LRP4: variants seen among roughly 807,000 people sequenced by gnomAD.
The protein encoded by LRP4 is low-density lipoprotein receptor-related protein 4.
A neutral mutation model predicts 220.3 loss-of-function variants in LRP4; 95 were observed. That is an observed-to-expected ratio of 0.43 (90% CI 0.37 to 0.51). The LOEUF (loss-of-function observed/expected upper bound fraction) is 0.51. Ranked by LOEUF, LRP4 falls within the 20% of genes least tolerant of loss-of-function variation. The pLI, the probability that LRP4 is intolerant of heterozygous loss-of-function variation, is 0.00. For synonymous variants in LRP4, 903 were observed against 954.6 expected, an observed-to-expected ratio of 0.95 and a Z score of 1.00; for missense variants, 1,925 against 2,567.0, an observed-to-expected ratio of 0.75 and a Z score of 5.40.
Position 46,899,860 on chromosome 11 carries a change from C to T in LRP4, c.430+3G>A. 6.2e-7 allele frequency: 1 copy of T among 1,613,506 alleles called. No homozygotes were observed. The highest frequency in any genetic ancestry group is 8.5e-7 in the Non-Finnish European group (1 of 1,179,780). ...CCTGCCTTCCCCCGTTGGGGTCACC[C>T]ACCACACTGCTCATCGCTGTTGTCG... On this transcript the variant is annotated splice_donor_region_variant and intron_variant, in intron 4 of 37. Coordinates refer to ENST00000378623, the MANE Select transcript of LRP4 (RefSeq NM_002334.4). The surrounding 1 kb of genome is among the most constrained non-coding windows in gnomAD (Gnocchi z 5.9).
chr11:46,893,236 T>C, intron 12 of LRP4, 107 bp from the exon 13 acceptor site: 1 of 1,049,904 alleles, frequency 9.5e-7, no homozygotes, highest in Non-Finnish European at 1.5e-6. Flanking sequence ...GGCCAGGCAC[T>C]ATTGTCATCA....
chr11:46,897,546 G>T (rs1419053910), intron 7 of LRP4, among the ~76,000 whole-genome samples: 1 of 149,578 alleles, frequency 6.7e-6, no homozygotes, highest in African/African-American at 2.5e-5. Context: ...GTGTCCCTGG[G>T]TACTTGAGAT....
intron 20 of LRP4, 75 bp from the exon 21 acceptor site, chr11:46,879,390 G>C: frequency 6.7e-7 from 1 of 1,501,754 alleles, no homozygotes; most frequent in Non-Finnish European, 9.2e-7. Context: ...GCTCACTGTG[G>C]ACTCAGAAAG....
chr11:46,871,560 C>G lies in LRP4; in HGVS notation c.4657G>C (p.Val1553Leu). The change falls in exon 31 of 38, where the codon GTC (valine) becomes CTC (leucine). Residue 1553 changes from valine to leucine, a missense_variant. By Grantham distance (32) the Val-to-Leu change is conservative. Transcript: ENST00000378623. The part of the protein sequence containing the change: ...DLNGKLRQVL[V>L]SHVSHPFALT... Reference sequence around the variant, plus strand: ...GCAAAGGGGTGGGACACATGGCTGACCAAGACCTGCCGCAGTTTCCCATTG... The same window carrying G: ...GCAAAGGGGTGGGACACATGGCTGAGCAAGACCTGCCGCAGTTTCCCATTG... 6.2e-7 allele frequency: 1 copy of G among 1,613,240 alleles called. No individual in the cohort carries two copies. The highest frequency in any genetic ancestry group is 8.5e-7 in the Non-Finnish European group (1 of 1,179,656).
chr11:46,864,070 A>G (rs919845381), intron 36 of LRP4, among the ~76,000 whole-genome samples: 2 of 152,246 alleles, frequency 1.3e-5, no homozygotes, highest in Non-Finnish European at 2.9e-5. Context: ...CTGTGTTTGT[A>G]TAAGGGGAAA....
At chr11:46,882,510 T>A (rs1941186237) in intron 19 of LRP4, among the ~76,000 whole-genome samples, 1 of 151,726 alleles carries the variant, frequency 6.6e-6, no homozygotes, top group Non-Finnish European at 1.5e-5. Flanking sequence ...GAGAAATGTT[T>A]CTTGACTGGA....
At chr11:46,912,042 T>C (rs1268309852) in intron 1 of LRP4, among the ~76,000 whole-genome samples, 1 of 152,018 alleles carries the variant, frequency 6.6e-6, no homozygotes, top group Non-Finnish European at 1.5e-5. Flanking sequence ...TTAGTAGACA[T>C]GGGGTTTCAC....
At chr11:46,886,893 C>T (rs1447217565) in intron 16 of LRP4, among the ~76,000 whole-genome samples, 1 of 152,228 alleles carries the variant, frequency 6.6e-6, no homozygotes, top group Non-Finnish European at 1.5e-5. Context: ...TGTGTCAGGG[C>T]TCCTGCCCCT....
chr11:46,902,681 T>G (rs1592548846), intron 2 of LRP4, 102 bp downstream of exon 2: 2 of 1,387,064 alleles, frequency 1.4e-6, no homozygotes, highest in East Asian at 4.6e-5. Flanking sequence ...ACTCTCTGAG[T>G]CCGACACAGT....
In LRP4 at chr11:46,918,054, G is replaced by A. The variant is rs1220368706; in HGVS notation, c.52+274C>T. Among the ~76,000 whole-genome samples the A allele has an allele frequency of 2.6e-5, 4 of 152,202 alleles. No homozygotes were observed. In the East Asian group the frequency reaches 5.8e-4, roughly 22 times the overall value. On this transcript the variant is annotated intron_variant, in intron 1 of 37. Coordinates refer to ENST00000378623, the MANE Select transcript of LRP4 (RefSeq NM_002334.4). This position sits in a 1 kb window ranked among gnomAD's most constrained non-coding sequence, Gnocchi z 6.0. ...TCTTGAAAGAGCAGCGAGGGAGGGCGAGCGAACGAACGCCCCGGACCTTAC... is the reference window on the plus strand; with the variant it reads ...TCTTGAAAGAGCAGCGAGGGAGGGCAAGCGAACGAACGCCCCGGACCTTAC...
chr11:46,867,199 A>ATTT (rs773041446), intron 34 of LRP4, among the ~76,000 whole-genome samples: 10 of 152,018 alleles, frequency 6.6e-5, no homozygotes, highest in Non-Finnish European at 1.5e-4. Flanking sequence ...ATGCTTGCTT[A>ATTT]TTTCATAATG....
At position 46,875,511 on chromosome 11, in the gene LRP4, C is replaced by T; in HGVS notation, c.3870G>A (p.Arg1290=). The T allele has an allele frequency of 6.2e-7, 1 of 1,614,180 alleles. No homozygotes were observed. The highest frequency in any genetic ancestry group is 8.5e-7 in the Non-Finnish European group (1 of 1,180,044). Residue 1290 remains arginine, a synonymous_variant, in exon 27 of 38, where the codon AGG becomes AGA. Transcript: ENST00000378623. This position sits in a 1 kb window ranked among gnomAD's most constrained non-coding sequence, Gnocchi z 4.5. ...KGTGSNVILV[R]SNLPGLMDMQ... is the part of the protein sequence containing the mutation. The stretch of plus-strand genomic sequence containing the variant: ...TGTCCATGAGGCCTGGCAGGTTGGA[C>T]CTCACGAGGATGACATTGCTGCCAG...
chr11:46,902,727 C>A, intron 2 of LRP4, 56 bp downstream of exon 2: 1 of 1,605,040 alleles, frequency 6.2e-7, no homozygotes, highest in Middle Eastern at 1.8e-4. Context: ...TTGTCCTTGC[C>A]CCCCACCCCC....
intron 1 of LRP4, among the ~76,000 whole-genome samples, chr11:46,903,194 A>C (rs889647359): frequency 5.9e-5 from 9 of 152,318 alleles, no homozygotes; most frequent in African/African-American, 9.6e-5. Context: ...AAGGGCCCAG[A>C]AACAGATGAT....
Position 46,858,763 on chromosome 11 carries a change from A to C in LRP4, c.*220T>G. The C allele has an allele frequency of 1.6e-6, 1 of 606,218 alleles. No individual in the cohort carries two copies. The allele number at this position is 606,218 out of a possible 1,614,324, so 37.6% of individuals were successfully genotyped here. On this transcript the variant is annotated 3_prime_UTR_variant, in exon 38 of 38. Coordinates refer to ENST00000378623, the MANE Select transcript of LRP4 (RefSeq NM_002334.4). ...GTACAAGATGTGAGGTTCATGGTAAAATCCAGGTCTAAATTCTCGTGATGT... is the reference window on the plus strand; with the variant it reads ...GTACAAGATGTGAGGTTCATGGTAACATCCAGGTCTAAATTCTCGTGATGT...
chr11:46,915,070 C>G (rs150627942), intron 1 of LRP4, among the ~76,000 whole-genome samples: 2 of 152,228 alleles, frequency 1.3e-5, no homozygotes, highest in African/African-American at 4.8e-5. Context: ...CTTAATACCA[C>G]GTGCCAGTCC....
intron 10 of LRP4, 26 bp downstream of exon 10, chr11:46,895,858 C>G: frequency 1.9e-6 from 3 of 1,609,448 alleles, no homozygotes; most frequent in Non-Finnish European, 1.7e-6. Flanking sequence ...AACCCCGACT[C>G]TGCTGCAAAC....
Position 46,873,487 on chromosome 11 carries a change from C to T in LRP4, c.4336G>A (p.Asp1446Asn). Residue 1446 changes from aspartate (D) to asparagine (N), a missense_variant, in exon 29 of 38, where the codon GAC (aspartate) becomes AAC (asparagine). This residue lies in a region of LRP4 where 1,244 missense variants were observed against 1,624.9 expected (regional missense o/e 0.77). Coordinates refer to ENST00000378623, the MANE Select transcript of LRP4 (RefSeq NM_002334.4). The surrounding 1 kb of genome is among the most constrained non-coding windows in gnomAD (Gnocchi z 4.2). Reference protein sequence around the residue: ...DWVARNLYWTDTGRNTIEASR... With the variant: ...DWVARNLYWTNTGRNTIEASR... ...GCCTCAATGGTATTTCGACCTGTGT[C>T]TGTCCAGTACAGGTTCCTGGCCACC... The T allele has an allele frequency of 6.2e-7, 1 of 1,614,204 alleles. No individual in the cohort carries two copies. Among genetic ancestry groups the T allele is most frequent in the South Asian group, 1.1e-5 (1 of 91,082 alleles).
chr11:46,863,584 CAA>C (rs55744712), intron 36 of LRP4, among the ~76,000 whole-genome samples: 85 of 54,126 alleles, frequency 1.6e-3, no homozygotes, highest in African/African-American at 1.9e-3. Flanking sequence ...ACTAAAAATA[CAA>C]AAAAAAAAAA....
Sources: allele counts gnomAD v4.1 joint callset (sites outside exome capture counted in the v4.1 genomes callset), GRCh38; gene constraint gnomAD v4.1.1; regional missense constraint gnomAD v4.1.1; non-coding constraint Gnocchi (gnomAD v3.1); transcripts MANE v1.5; gene names NCBI Gene and HGNC (gene_info 2026-07-23, HGNC 2026-07-21).